The following DLG2 variants were observed in gnomAD, a reference collection of about 807,000 sequenced individuals.
DLG2 encodes the protein disks large homolog 2.
Under a neutral mutation model 132.5 loss-of-function variants are expected in DLG2, and 45 were observed. The ratio of observed to expected loss-of-function variants is 0.34; its 90% CI spans 0.27 to 0.44. DLG2 has a LOEUF of 0.44. Among genes scored for constraint, DLG2 ranks in the 20% least tolerant of loss-of-function variants. The pLI is 1.00. For missense variants in DLG2, 1,045 were observed against 1,196.9 expected (o/e 0.87, Z 1.87); for synonymous variants, 424 against 419.6 (o/e 1.01, Z -0.13).
chr11:83,661,140 A>C (rs572948559), intron 18 of DLG2, among the ~76,000 whole-genome samples: 185 of 152,260 alleles, frequency 1.2e-3, no homozygotes, highest in Non-Finnish European at 2.2e-3. Flanking sequence ...GTGGGAGACA[A>C]CCTTGTGCTG....
chr11:84,643,918 C>G (rs1318914530), intron 6 of DLG2, among the ~76,000 whole-genome samples: 3 of 152,132 alleles, frequency 2.0e-5, no homozygotes, highest in African/African-American at 7.2e-5. Flanking sequence ...TATATGTTAC[C>G]TCTGATCCTT....
At chr11:84,622,271 C>T (rs182828299) in intron 6 of DLG2, among the ~76,000 whole-genome samples, 252 of 152,234 alleles carry the variant, frequency 1.7e-3, no homozygotes, top group African/African-American at 5.3e-3. Flanking sequence ...TCATAACTAT[C>T]AGAGATAAAT....
At chr11:84,865,261 T>A (rs2084371157) in intron 6 of DLG2, among the ~76,000 whole-genome samples, 1 of 152,190 alleles carries the variant, frequency 6.6e-6, no homozygotes, top group Non-Finnish European at 1.5e-5. Context: ...GGATATGGCC[T>A]CAGAATCCTC....
chr11:84,364,924 T>C (rs907175102), intron 7 of DLG2, among the ~76,000 whole-genome samples: 24 of 152,198 alleles, frequency 1.6e-4, no homozygotes, highest in Non-Finnish European at 2.8e-4. Context: ...CAGTATTTTA[T>C]TGAGGATTTT....
intron 5 of DLG2, among the ~76,000 whole-genome samples, chr11:85,123,420 T>A (rs2074681979): frequency 1.3e-5 from 2 of 152,094 alleles, no homozygotes; most frequent in South Asian, 4.1e-4. Flanking sequence ...AAAAGACCAC[T>A]GGTAGTAGAA....
chr11:83,673,744 C>A (rs775575934), intron 18 of DLG2, among the ~76,000 whole-genome samples: 1 of 152,216 alleles, frequency 6.6e-6, no homozygotes, highest in East Asian at 1.9e-4. Context: ...GAACAAGCCT[C>A]ATTTTCTCCT....
intron 19 of DLG2, among the ~76,000 whole-genome samples, chr11:83,600,712 C>T (rs751085111): frequency 6.6e-5 from 10 of 152,244 alleles, no homozygotes; most frequent in Non-Finnish European, 1.5e-4. Flanking sequence ...CTGAAAACTC[C>T]TACCTTTCCT....
rs759356262 is a variant in DLG2, at chr11:84,004,946, T to TA, written c.920-24305_920-24304insT. Among the ~76,000 whole-genome samples, 26 of 19,064 alleles carry TA rather than the reference T, an allele frequency of 1.4e-3. No individual in the cohort carries two copies. The East Asian group carries it at 0.017, about 13-fold the overall frequency. The allele number at this position is 19,064 out of a possible 152,430, so 12.5% of individuals were successfully genotyped here. ...AAAGAATTCTAAAATTTATATAGAA[T>TA]CAAAAAAAAAAAAGAGCCAGAATAG... On this transcript the variant is annotated intron_variant, in intron 11 of 27. Coordinates refer to ENST00000376104, the MANE Select transcript of DLG2 (RefSeq NM_001142699.3).
chr11:84,807,891 T>C (rs1008317899), intron 6 of DLG2, among the ~76,000 whole-genome samples: 2 of 152,092 alleles, frequency 1.3e-5, no homozygotes, highest in Non-Finnish European at 2.9e-5. Flanking sequence ...GACAAACACA[T>C]AATTATAATT....
At chr11:84,195,782 T>C (rs975189418) in intron 8 of DLG2, among the ~76,000 whole-genome samples, 1 of 152,232 alleles carries the variant, frequency 6.6e-6, no homozygotes, top group Admixed American at 6.5e-5. Context: ...TATGCTCTTA[T>C]GATGCCCTCC....
chr11:84,882,249 G>C (rs2087464041), intron 6 of DLG2, among the ~76,000 whole-genome samples: 2 of 152,012 alleles, frequency 1.3e-5, no homozygotes, highest in African/African-American at 4.8e-5. Context: ...CCAAGGCACA[G>C]CAAATGTCAA....
chr11:84,274,771 G>A lies in DLG2; in HGVS notation c.520-23480C>T, dbSNP rs983862232. On this transcript the variant is annotated intron_variant, in intron 7 of 27. Transcript: ENST00000376104. ...AAATTGTTTTTCCTTAGTACTTCAC[G>A]AGCACACACCATAAGGCTATTGCCA... Among the ~76,000 whole-genome samples, 5 of 152,100 alleles carry A rather than the reference G, an allele frequency of 3.3e-5. No individual in the cohort carries two copies. In the South Asian group the frequency reaches 6.2e-4, roughly 19 times the overall value.
chr11:84,348,652 C>T (rs1376802807), intron 7 of DLG2, among the ~76,000 whole-genome samples: 1 of 152,138 alleles, frequency 6.6e-6, no homozygotes, highest in Admixed American at 6.5e-5. Flanking sequence ...TATTGAAGTC[C>T]TACCTCCTAG....
chr11:84,964,758 A>T (rs1266995710), intron 6 of DLG2, among the ~76,000 whole-genome samples: 1 of 152,100 alleles, frequency 6.6e-6, no homozygotes, highest in Non-Finnish European at 1.5e-5. Context: ...CAGATGTGAA[A>T]ACAGAGGCTT....
chr11:83,696,751 G>T (rs7933908), intron 18 of DLG2, among the ~76,000 whole-genome samples: 44,075 of 151,902 alleles, frequency 0.29, 8,291 homozygotes, highest in African/African-American at 0.54. Context: ...CAGAGTATTG[G>T]GTCTGTCATA....
At chr11:84,260,930 A>G (rs2097541027) in intron 7 of DLG2, among the ~76,000 whole-genome samples, 1 of 152,136 alleles carries the variant, frequency 6.6e-6, no homozygotes, top group Non-Finnish European at 1.5e-5. Flanking sequence ...TCAAATCTCA[A>G]ATGTGGTTTA....
intron 8 of DLG2, among the ~76,000 whole-genome samples, chr11:84,204,731 C>G (rs964149359): frequency 2.6e-5 from 4 of 152,016 alleles, no homozygotes; most frequent in African/African-American, 9.7e-5. Context: ...TGTTATTATT[C>G]TTTTGAGATA....
chr11:85,255,264 T>G (rs1012665147), intron 4 of DLG2, among the ~76,000 whole-genome samples: 13 of 152,144 alleles, frequency 8.5e-5, no homozygotes, highest in Non-Finnish European at 1.8e-4. Flanking sequence ...ATAAGCAACT[T>G]AAGTTTATGA....
chr11:84,959,943 G>A (rs2052308110), intron 6 of DLG2, among the ~76,000 whole-genome samples: 1 of 152,140 alleles, frequency 6.6e-6, no homozygotes, highest in South Asian at 2.1e-4. Context: ...TTAAAGATTG[G>A]TTCTGTGGGA....
Sources: allele counts gnomAD v4.1 joint callset (sites outside exome capture counted in the v4.1 genomes callset), GRCh38; gene constraint gnomAD v4.1.1; transcripts MANE v1.5; gene names NCBI Gene and HGNC (gene_info 2026-07-23, HGNC 2026-07-21).